The following KCNC4 variants were observed in gnomAD, a reference collection of about 807,000 sequenced individuals.
KCNC4 encodes voltage-gated potassium channel KCNC4.
A neutral mutation model predicts 42.8 loss-of-function variants in KCNC4; 23 were observed. That is an observed-to-expected ratio of 0.54 (90% CI 0.39 to 0.76). The LOEUF is 0.76. Among genes scored for constraint, KCNC4 ranks in the 30% least tolerant of loss-of-function variants. KCNC4 has a pLI of 0.00. For synonymous variants in KCNC4, 422 were observed against 393.5 expected, an observed-to-expected ratio of 1.07 and a Z score of -0.86; for missense variants, 751 against 898.2, an observed-to-expected ratio of 0.84 and a Z score of 2.10.
Position 110,273,440 on chromosome 1 carries a change from G to C in KCNC4, n.31-9094G>C, listed in dbSNP as rs983667902. 2.0e-5 allele frequency among the ~76,000 whole-genome samples: 3 copies of C among 152,198 alleles called. 1 individual carries two copies. Among genetic ancestry groups the C allele is most frequent in the South Asian group, 2.1e-4 (1 of 4,834 alleles). ...TCTGTGTCAGTCTCTTCTTTGAGAC[G>C]AAGAGTCTGGAAAGAACAGGGACCC... On this transcript the variant is annotated intron_variant and non_coding_transcript_variant, in intron 1 of 2. Coordinates refer to the KCNC4 transcript ENST00000412512.
chr1:110,265,104 G>A (rs1317858806), intron 1 of KCNC4, among the ~76,000 whole-genome samples: 3 of 150,908 alleles, frequency 2.0e-5, no homozygotes, highest in African/African-American at 4.9e-5. Flanking sequence ...AAAAAAAGGT[G>A]GGGGAGAGTG....
intron 1 of KCNC4, chr1:110,220,100 G>C (rs574080906): frequency 1.3e-5 from 2 of 152,254 alleles, no homozygotes; most frequent in African/African-American, 4.8e-5. Context: ...AAAGAGCTTT[G>C]AGCTGAGAGT....
intron 1 of KCNC4, chr1:110,220,040 CAAA>C (rs2101003664): frequency 6.6e-6 from 1 of 152,312 alleles, no homozygotes; most frequent in South Asian, 2.1e-4. Context: ...AAGGTTTCAA[CAAA>C]GGAGGAGGGG....
intron 1 of KCNC4, among the ~76,000 whole-genome samples, chr1:110,279,792 A>ATTTTTTTTT (rs746438498): frequency 4.1e-5 from 4 of 98,584 alleles, no homozygotes; most frequent in African/African-American, 8.3e-5. Flanking sequence ...GGCTTTAGGA[A>ATTTTTTTTT]TTTTTTTTTT....
Position 110,211,809 on chromosome 1 carries a change from G to A in KCNC4, c.310G>A (p.Ala104Thr). The change falls in exon 1 of 4, where the codon GCC (alanine) becomes ACC (threonine). Residue 104 changes from alanine (A) to threonine (T), a missense_variant. This residue lies in a region of KCNC4 where 183 missense variants were observed against 255.8 expected (regional missense o/e 0.72). Coordinates refer to ENST00000438661, the MANE Select transcript of KCNC4 (RefSeq NM_001039574.3). This position sits in a 1 kb window ranked among gnomAD's most constrained non-coding sequence, Gnocchi z 6.5. ...FFFDRHPGVF[A>T]YVLNYYRTGK... Reference sequence around the variant, plus strand: ...CTTCGACAGGCACCCGGGCGTCTTCGCCTACGTGCTCAACTACTACCGCAC... The same window carrying A: ...CTTCGACAGGCACCCGGGCGTCTTCACCTACGTGCTCAACTACTACCGCAC... 6.2e-7 allele frequency: 1 copy of A among 1,611,468 alleles called. No individual in the cohort carries two copies. The highest frequency in any genetic ancestry group is 2.2e-4 in the Middle Eastern group (1 of 4,560).
chr1:110,212,021 C>T lies in KCNC4; in HGVS notation c.522C>T (p.Ser174=), dbSNP rs201445851. 2 of 1,596,556 alleles carry T rather than the reference C, an allele frequency of 1.3e-6. No individual in the cohort carries two copies. The highest frequency in any genetic ancestry group is 2.3e-5 in the East Asian group (1 of 44,238). ...GAGGCGGCAGCGGCGCGGGGCCCAG[C>T]GACGAGGCCGGCGACGATGAGCGGG... is the stretch of plus-strand genomic sequence containing the variant. The part of the protein sequence containing the change: ...PDGGGSGAGP[S]DEAGDDEREL... The change falls in exon 1 of 4, where the codon AGC becomes AGT. Residue 174 remains serine (S), a synonymous_variant. Transcript: ENST00000438661.
At chr1:110,244,851 C>A (rs1659110641) in exon 4 of KCNC4, 1 of 152,386 alleles carries the variant, frequency 6.6e-6, no homozygotes, top group Non-Finnish European at 1.5e-5. Context: ...CAGTCTTTGG[C>A]AACTTGCTTA....
At chr1:110,224,023 G>A (rs1335767247) in intron 2 of KCNC4, 123 bp downstream of exon 2, 1 of 808,806 alleles carries the variant, frequency 1.2e-6, no homozygotes, top group Non-Finnish European at 1.9e-6. Flanking sequence ...GCATAAAGAT[G>A]TGCCTTTATG....
At chr1:110,275,328 T>A (rs1369146750) in intron 1 of KCNC4, among the ~76,000 whole-genome samples, 1 of 152,184 alleles carries the variant, frequency 6.6e-6, no homozygotes, top group Non-Finnish European at 1.5e-5. Context: ...CTTATACTAA[T>A]CAGAATAGTT....
At chr1:110,239,363 CCTT>C (rs1658979281) in exon 4 of KCNC4, 1 of 152,254 alleles carries the variant, frequency 6.6e-6, no homozygotes, top group Non-Finnish European at 1.5e-5. Flanking sequence ...CACCCCACCT[CCTT>C]CTCTTGGCTG....
rs535208269 is a variant in KCNC4 at position 110,211,154 on chromosome 1, G to T, written c.-346G>T. Among the ~76,000 whole-genome samples, 30 of 152,374 alleles carry T rather than the reference G, an allele frequency of 2.0e-4. No individual in the cohort carries two copies. Among genetic ancestry groups the T allele is most frequent in the Admixed American group, 1.3e-4 (2 of 15,312 alleles). On this transcript the variant is annotated 5_prime_UTR_variant, in exon 1 of 4. Coordinates refer to ENST00000438661, the MANE Select transcript of KCNC4 (RefSeq NM_001039574.3). This position sits in a 1 kb window ranked among gnomAD's most constrained non-coding sequence, Gnocchi z 6.5. ...CTGTGCGCTTCCTCGTCTTTGGTCGGGGTGAAGGCGGGGGCGTGTCCCCGG... is the reference window on the plus strand; with the variant it reads ...CTGTGCGCTTCCTCGTCTTTGGTCGTGGTGAAGGCGGGGGCGTGTCCCCGG...
downstream of KCNC4, among the ~76,000 whole-genome samples, chr1:110,250,973 G>A (rs1659241172): frequency 6.6e-6 from 1 of 152,166 alleles, no homozygotes; most frequent in Admixed American, 6.5e-5. Context: ...CAGTTCTGGG[G>A]GACGGGACTA....
chr1:110,247,024 C>T (rs1439412252), exon 4 of KCNC4: 4 of 152,024 alleles, frequency 2.6e-5, no homozygotes, highest in Non-Finnish European at 4.4e-5. Flanking sequence ...ACTTGTCTTT[C>T]TGTGTCTAAC....
chr1:110,248,688 T>C (rs1659199541), exon 4 of KCNC4: 1 of 152,238 alleles, frequency 6.6e-6, no homozygotes, highest in Admixed American at 6.5e-5. Flanking sequence ...ACTTTAACTG[T>C]ATGAGACTTG....
At chr1:110,280,490 A>G (rs530648970) in intron 1 of KCNC4, among the ~76,000 whole-genome samples, 184 of 151,936 alleles carry the variant, frequency 1.2e-3, no homozygotes, top group African/African-American at 4.3e-3. Context: ...TGGATAGGAA[A>G]CAGGTCCTCA....
At chr1:110,231,899 C>T (rs977878226) in intron 3 of KCNC4, among the ~76,000 whole-genome samples, 2 of 152,134 alleles carry the variant, frequency 1.3e-5, no homozygotes, top group African/African-American at 2.4e-5. Context: ...GGAGGCACCC[C>T]GAAGCCCAGG....
At position 110,233,061 on chromosome 1, in the gene KCNC4, G is replaced by GCTA; in HGVS notation, c.*89_*90insCTA. The GCTA allele has an allele frequency of 6.8e-7, 1 of 1,474,536 alleles. No individual in the cohort carries two copies. Among genetic ancestry groups the GCTA allele is most frequent in the Middle Eastern group, 1.7e-4 (1 of 5,864 alleles). The allele number at this position is 1,474,536 out of a possible 1,614,324, so 91.3% of individuals were successfully genotyped here. Reference sequence around the variant, plus strand: ...GAACCCAGACAAGAATCTTTTCGCTGGGAAAGACTCAGATATCCTTGTTTG... The same window carrying GCTA: ...GAACCCAGACAAGAATCTTTTCGCTGCTAGGAAAGACTCAGATATCCTTGTTTG... On this transcript the variant is annotated 3_prime_UTR_variant, in exon 4 of 4. Coordinates refer to ENST00000438661, the MANE Select transcript of KCNC4 (RefSeq NM_001039574.3).
chr1:110,250,086 C>G (rs1659223810), downstream of KCNC4, among the ~76,000 whole-genome samples: 1 of 152,228 alleles, frequency 6.6e-6, no homozygotes, highest in Non-Finnish European at 1.5e-5. Flanking sequence ...TGGGTCATCA[C>G]TCCTTTTCTC....
chr1:110,266,753 A>ATT (rs1318153220), intron 1 of KCNC4, among the ~76,000 whole-genome samples: 1 of 151,886 alleles, frequency 6.6e-6, no homozygotes, highest in Non-Finnish European at 1.5e-5. Context: ...TATGGGCCCC[A>ATT]TTTCTTCCCC....
Sources: allele counts gnomAD v4.1 joint callset (sites outside exome capture counted in the v4.1 genomes callset), GRCh38; gene constraint gnomAD v4.1.1; regional missense constraint gnomAD v4.1.1; non-coding constraint Gnocchi (gnomAD v3.1); transcripts MANE v1.5; gene names NCBI Gene and HGNC (gene_info 2026-07-23, HGNC 2026-07-21).